SSU72: variants seen among roughly 807,000 people sequenced by gnomAD.
The protein encoded by SSU72 is RNA polymerase II subunit A C-terminal domain phosphatase SSU72.
Under a neutral mutation model 22.7 loss-of-function variants are expected in SSU72, and 12 were observed. The ratio of observed to expected loss-of-function variants is 0.53; its 90% CI spans 0.34 to 0.86. The LOEUF (loss-of-function observed/expected upper bound fraction) is 0.86, where lower values mean the gene tolerates loss of function less well. Ranked by LOEUF, SSU72 falls within the 40% of genes least tolerant of loss-of-function variation. The probability of loss-of-function intolerance (pLI) is 0.02; values close to 1 mark genes in which losing one functional copy is unlikely to be tolerated. For synonymous variants in SSU72, 116 were observed against 98.3 expected (o/e 1.18, Z -1.06); for missense variants, 151 against 249.8 (o/e 0.60, Z 2.67).
intron 3 of SSU72, 142 bp downstream of exon 3, chr1:1,544,721 T>C (rs1487205740): frequency 1.7e-6 from 2 of 1,210,848 alleles, no homozygotes; most frequent in Non-Finnish European, 2.4e-6. Context: ...CTGCCTGCCT[T>C]CCAGGGTGCT....
chr1:1,556,066 C>T (rs147806232), intron 2 of SSU72, among the ~76,000 whole-genome samples: 2,809 of 152,252 alleles, frequency 0.018, 80 homozygotes, highest in African/African-American at 0.064. Flanking sequence ...GAGGCCAATG[C>T]GGGTGGATCA....
intron 1 of SSU72, among the ~76,000 whole-genome samples, chr1:1,565,802 T>C (rs79225965): frequency 0.051 from 7,787 of 152,270 alleles, 380 homozygotes; most frequent in Admixed American, 0.17. Flanking sequence ...AGAAAAGAGC[T>C]GAACAGGAAA....
At chr1:1,545,122 G>T in intron 2 of SSU72, 120 bp from the exon 3 acceptor site, 1 of 1,236,638 alleles carries the variant, frequency 8.1e-7, no homozygotes, top group Admixed American at 2.0e-5. Context: ...CGGGACGAAG[G>T]CCTGGACAGC....
intron 2 of SSU72, among the ~76,000 whole-genome samples, chr1:1,548,290 G>A (rs1394773112): frequency 2.0e-5 from 3 of 152,206 alleles, no homozygotes; most frequent in Admixed American, 6.5e-5. Flanking sequence ...TGGGCGCGGT[G>A]GCTCACACCT....
chr1:1,549,407 G>C (rs1642429198), intron 2 of SSU72, among the ~76,000 whole-genome samples: 1 of 151,786 alleles, frequency 6.6e-6, no homozygotes, highest in African/African-American at 2.4e-5. Context: ...TGTAGTCCCG[G>C]CTACTCAGGA....
At chr1:1,564,459 T>C (rs1430778757) in intron 2 of SSU72, 23 of 1,468,386 alleles carry the variant, frequency 1.6e-5, no homozygotes, top group Non-Finnish European at 1.8e-6. Context: ...TGAAAAGCAA[T>C]GGGATTTTGT....
Position 1,560,094 on chromosome 1 carries a change from T to C in SSU72, c.224+4679A>G, listed in dbSNP as rs560576028. On this transcript the variant is annotated intron_variant, in intron 2 of 4. Coordinates refer to ENST00000291386, the MANE Select transcript of SSU72 (RefSeq NM_014188.3). ...TTGGTCTCAAACTCAACTCGGGTGA[T>C]CCACCTGCCTCGGTCTCCCAGTATT... Among the ~76,000 whole-genome samples the C allele has an allele frequency of 4.6e-5, 7 of 152,308 alleles. No individual in the cohort carries two copies. In the South Asian group the frequency reaches 1.2e-3, roughly 27 times the overall value.
Position 1,574,572 on chromosome 1 carries a change from A to T in SSU72, c.-15T>A. 1 of 1,580,514 alleles carries T rather than the reference A, an allele frequency of 6.3e-7. No individual in the cohort carries two copies. Among genetic ancestry groups the T allele is most frequent in the East Asian group, 2.5e-5 (1 of 40,214 alleles). ...GACGACGGCATGGCGGCGGCCGCAA[A>T]TCCCGCGGCTCTCCCGCTTGGGTTC... On this transcript the variant is annotated 5_prime_UTR_variant, in exon 1 of 5. Transcript: ENST00000291386.
chr1:1,574,004 G>T (rs577550315), intron 1 of SSU72, among the ~76,000 whole-genome samples: 13 of 145,912 alleles, frequency 8.9e-5, no homozygotes, highest in African/African-American at 3.4e-4. Flanking sequence ...TTCCAGGGAG[G>T]AAGAGAGGAT....
intron 2 of SSU72, among the ~76,000 whole-genome samples, chr1:1,559,887 G>C (rs1227808447): frequency 6.6e-6 from 1 of 152,164 alleles, no homozygotes; most frequent in African/African-American, 2.4e-5. Context: ...ACGATGGCCG[G>C]CTAATTTTTT....
At position 1,542,961 on chromosome 1, in the gene SSU72, C is replaced by T. The variant is rs904626882; in HGVS notation, c.484-794G>A. Among the ~76,000 whole-genome samples, 12 of 152,184 alleles carry T rather than the reference C, an allele frequency of 7.9e-5. No individual in the cohort carries two copies. The highest frequency in any genetic ancestry group is 2.7e-4 in the African/African-American group (11 of 41,446). ...ACAGCAGCTTCTCCCAGCGCCCGCC[C>T]GCCTGGCTCCCGGGCTTTCCAAACA... On this transcript the variant is annotated intron_variant, in intron 4 of 4. Coordinates refer to ENST00000291386, the MANE Select transcript of SSU72 (RefSeq NM_014188.3). This position sits in a 1 kb window ranked among gnomAD's most constrained non-coding sequence, Gnocchi z 4.4.
chr1:1,544,031 AG>A (rs1557494179), intron 3 of SSU72, 44 bp from the exon 4 acceptor site: 1 of 1,490,432 alleles, frequency 6.7e-7, no homozygotes, highest in Non-Finnish European at 9.3e-7. Context: ...CTCCAAAACC[AG>A]GGAACAGGCA....
intron 1 of SSU72, 21 bp downstream of exon 1, chr1:1,574,457 G>A (rs753532284): frequency 7.6e-6 from 12 of 1,586,652 alleles, no homozygotes; most frequent in Non-Finnish European, 1.0e-5. Context: ...AGCGCGCGGG[G>A]ACAGGGTGGA....
chr1:1,565,065 C>T, intron 1 of SSU72, 149 bp from the exon 2 acceptor site: 1 of 1,173,728 alleles, frequency 8.5e-7, no homozygotes, highest in Admixed American at 3.0e-5. Flanking sequence ...CTAGGCCGGG[C>T]ATGGTGGCTC....
Position 1,543,932 on chromosome 1 carries a change from G to T in SSU72, c.420C>A (p.Asp140Glu). The change falls in exon 4 of 5, where the codon GAC (aspartate) becomes GAA (glutamate). Residue 140 changes from aspartate to glutamate, a missense_variant. Physicochemically the swap from Asp to Glu is conservative, Grantham distance 45. Coordinates refer to ENST00000291386, the MANE Select transcript of SSU72 (RefSeq NM_014188.3). Reference sequence around the variant, plus strand: ...TGGCCTCCTCGTGGTTGTCCTGGATGTCCACATTGACCACGTGCACAGGCT... The same window carrying T: ...TGGCCTCCTCGTGGTTGTCCTGGATTTCCACATTGACCACGTGCACAGGCT... ...TCQPVHVVNV[D>E]IQDNHEEATL... 1.9e-6 allele frequency: 3 copies of T among 1,614,104 alleles called. No homozygotes were observed. The highest frequency in any genetic ancestry group is 2.5e-6 in the Non-Finnish European group (3 of 1,179,992).
At chr1:1,559,245 A>G (rs1373698822) in intron 2 of SSU72, among the ~76,000 whole-genome samples, 2 of 152,170 alleles carry the variant, frequency 1.3e-5, no homozygotes. Flanking sequence ...GTAGCACGGG[A>G]AGCAGCTAAA....
chr1:1,553,018 CAA>C (rs35241878), intron 2 of SSU72, among the ~76,000 whole-genome samples: 2,965 of 93,790 alleles, frequency 0.032, 66 homozygotes, highest in African/African-American at 0.086. Context: ...GAGACTGTCT[CAA>C]AAAAAAAAAA....
intron 1 of SSU72, among the ~76,000 whole-genome samples, chr1:1,565,723 G>T (rs1340117741): frequency 2.0e-5 from 3 of 152,256 alleles, no homozygotes; most frequent in African/African-American, 7.2e-5. Context: ...TGGGTCCGAC[G>T]GTGCTTGTTC....
At chr1:1,552,502 T>C (rs1481861027) in intron 2 of SSU72, among the ~76,000 whole-genome samples, 1 of 152,230 alleles carries the variant, frequency 6.6e-6, no homozygotes. Flanking sequence ...GTGCCTGAGC[T>C]GTGCCCCACG....
Sources: gnomAD v4.1 joint callset for allele counts (sites outside exome capture counted in the v4.1 genomes callset) on GRCh38, gnomAD v4.1.1 for gene constraint, Gnocchi (gnomAD v3.1) non-coding constraint, MANE v1.5 for transcripts, NCBI Gene and HGNC (gene_info 2026-07-23, HGNC 2026-07-21) for gene names.